The following EPHB2 variants were observed in gnomAD, a reference collection of about 807,000 sequenced individuals.
EPHB2 encodes ephrin type-B receptor 2.
Under a neutral mutation model 96.4 loss-of-function variants are expected in EPHB2, and 18 were observed. The ratio of observed to expected loss-of-function variants is 0.19; its 90% CI spans 0.13 to 0.28. The LOEUF (loss-of-function observed/expected upper bound fraction) is 0.28, where lower values mean the gene tolerates loss of function less well. EPHB2 is among the 10% of genes least tolerant of loss of function. The pLI, the probability that EPHB2 is intolerant of heterozygous loss-of-function variation, is 1.00. For missense variants in EPHB2, 989 were observed against 1,355.4 expected (o/e 0.73, Z 4.25); for synonymous variants, 506 against 534.1 (o/e 0.95, Z 0.72).
At chr1:22,905,454 T>C (rs1212764847) in intron 9 of EPHB2, among the ~76,000 whole-genome samples, 1 of 151,990 alleles carries the variant, frequency 6.6e-6, no homozygotes. Context: ...GCTGGGCAGC[T>C]AGAAAGGGAC....
chr1:22,723,250 C>T (rs760618533), intron 1 of EPHB2, among the ~76,000 whole-genome samples: 1 of 152,238 alleles, frequency 6.6e-6, no homozygotes, highest in Non-Finnish European at 1.5e-5. Flanking sequence ...CCGCCTCTCA[C>T]GGGGAGGCAG....
intron 3 of EPHB2, among the ~76,000 whole-genome samples, chr1:22,844,512 A>G (rs1645513785): frequency 6.6e-6 from 1 of 152,196 alleles, no homozygotes; most frequent in South Asian, 2.1e-4. Context: ...GTCCAGTTTG[A>G]CAGCAGGGTC....
rs534818693 is a variant in EPHB2 at position 22,919,295 on chromosome 1, G to A, written c.*5725G>A. 5.9e-5 allele frequency: 9 copies of A among 152,362 alleles called. No individual in the cohort carries two copies. Among genetic ancestry groups the A allele is most frequent in the Admixed American group, 4.6e-4 (7 of 15,304 alleles). The allele number at this position is 152,362 out of a possible 1,614,324, so 9.4% of individuals were successfully genotyped here. On this transcript the variant is annotated 3_prime_UTR_variant, in exon 16 of 16. Transcript: ENST00000374630. Reference sequence around the variant, plus strand: ...ACGCAGATTAGGACCCATGAAGTAGGGGGTAGAGCTGACCCTCAGGAATGT... The same window carrying A: ...ACGCAGATTAGGACCCATGAAGTAGAGGGTAGAGCTGACCCTCAGGAATGT...
intron 3 of EPHB2, among the ~76,000 whole-genome samples, chr1:22,806,508 T>TGGAC (rs1644928872): frequency 3.1e-4 from 1 of 3,254 alleles, no homozygotes; most frequent in African/African-American, 4.7e-4. Flanking sequence ...GACGGACGGA[T>TGGAC]GGATGGATGG....
intron 3 of EPHB2, among the ~76,000 whole-genome samples, chr1:22,823,512 G>A (rs1394511105): frequency 1.3e-5 from 2 of 152,218 alleles, no homozygotes; most frequent in African/African-American, 2.4e-5. Flanking sequence ...GTGGGCAGCA[G>A]TAATAACTTT....
At chr1:22,760,158 C>T (rs780561881) in intron 1 of EPHB2, among the ~76,000 whole-genome samples, 4 of 152,080 alleles carry the variant, frequency 2.6e-5, no homozygotes, top group Non-Finnish European at 4.4e-5. Flanking sequence ...CATAACCTGA[C>T]TCAGTCTTGC....
At chr1:22,764,084 A>C (rs1644272581) in intron 1 of EPHB2, among the ~76,000 whole-genome samples, 1 of 152,188 alleles carries the variant, frequency 6.6e-6, no homozygotes, top group South Asian at 2.1e-4. Context: ...GTTGCTACGT[A>C]AGGCAACATT....
chr1:22,874,801 G>A (rs1638784928), intron 5 of EPHB2, among the ~76,000 whole-genome samples: 1 of 152,204 alleles, frequency 6.6e-6, no homozygotes, highest in Non-Finnish European at 1.5e-5. Flanking sequence ...TAATAATAAT[G>A]TCTCCTGGAC....
In EPHB2 at chr1:22,866,792, G is replaced by C. The variant is rs548627629; in HGVS notation, c.1303+1580G>C. Among the ~76,000 whole-genome samples the C allele has an allele frequency of 2.0e-5, 3 of 152,220 alleles. No individual in the cohort carries two copies. The South Asian group carries it at 6.2e-4, about 32-fold the overall frequency. The stretch of plus-strand genomic sequence containing the variant: ...CTATTAAAAATACAAAAATTAGCCA[G>C]GTATGGTCGCGGGCACCTGTAATCC... On this transcript the variant is annotated intron_variant, in intron 5 of 15. Coordinates refer to ENST00000374630, the MANE Select transcript of EPHB2 (RefSeq NM_017449.5).
intron 1 of EPHB2, among the ~76,000 whole-genome samples, chr1:22,715,684 T>C (rs917564397): frequency 6.6e-6 from 1 of 152,222 alleles, no homozygotes; most frequent in African/African-American, 2.4e-5. Context: ...CATCCATATA[T>C]TTTTAAAGAG....
intron 3 of EPHB2, among the ~76,000 whole-genome samples, chr1:22,820,728 C>G (rs563697425): frequency 6.6e-6 from 1 of 152,270 alleles, no homozygotes; most frequent in Non-Finnish European, 1.5e-5. Context: ...TTATGAAACA[C>G]AGACTATGCC....
intron 3 of EPHB2, among the ~76,000 whole-genome samples, chr1:22,862,155 A>T (rs1359639724): frequency 6.6e-6 from 1 of 152,208 alleles, no homozygotes; most frequent in Non-Finnish European, 1.5e-5. Flanking sequence ...GTGTGCACAC[A>T]AGGCAGTTGC....
intron 1 of EPHB2, among the ~76,000 whole-genome samples, chr1:22,711,549 C>A (rs1469963887): frequency 6.6e-6 from 1 of 151,646 alleles, no homozygotes; most frequent in South Asian, 2.1e-4. Context: ...GGCCCGGCGC[C>A]CCGGAGAGCA....
intron 5 of EPHB2, among the ~76,000 whole-genome samples, chr1:22,866,438 T>G (rs962827783): frequency 6.6e-6 from 1 of 152,064 alleles, no homozygotes; most frequent in African/African-American, 2.4e-5. Context: ...CCAGTCGAAA[T>G]TTTTTCTTTA....
intron 1 of EPHB2, among the ~76,000 whole-genome samples, chr1:22,761,624 T>G (rs1557658903): frequency 6.6e-6 from 1 of 152,016 alleles, no homozygotes; most frequent in Non-Finnish European, 1.5e-5. Flanking sequence ...TAGCTGGGAG[T>G]GTTGAGTAAG....
At chr1:22,802,093 T>C (rs1644852062) in intron 3 of EPHB2, among the ~76,000 whole-genome samples, 1 of 151,852 alleles carries the variant, frequency 6.6e-6, no homozygotes, top group Non-Finnish European at 1.5e-5. Flanking sequence ...CTGGTGAATG[T>C]CACGTCCAGG....
At position 22,846,139 on chromosome 1, in the gene EPHB2, C is replaced by T. The variant is rs1645537365; in HGVS notation, c.812-16898C>T. Among the ~76,000 whole-genome samples the T allele has an allele frequency of 6.6e-6, 1 of 152,150 alleles. No homozygotes were observed. Among genetic ancestry groups the T allele is most frequent in the African/African-American group, 2.4e-5 (1 of 41,432 alleles). ...GATTCAAGAATGTCCCAGGGCGTGG[C>T]CAGGTGCGGTGGTTCACACCTGTAA... On this transcript the variant is annotated intron_variant, in intron 3 of 15. Coordinates refer to ENST00000374630, the MANE Select transcript of EPHB2 (RefSeq NM_017449.5). The surrounding 1 kb of genome is among the most constrained non-coding windows in gnomAD (Gnocchi z 4.3).
chr1:22,735,408 C>T (rs1406687768), intron 1 of EPHB2, among the ~76,000 whole-genome samples: 2 of 149,456 alleles, frequency 1.3e-5, no homozygotes, highest in Non-Finnish European at 3.0e-5. Flanking sequence ...CACTGCACTG[C>T]AGCCTAAACA....
chr1:22,913,232 T>G lies in EPHB2; in HGVS notation c.2853-230T>G. The G allele has an allele frequency of 1.7e-6, 1 of 597,188 alleles. No homozygotes were observed. The highest frequency in any genetic ancestry group is 3.0e-6 in the Non-Finnish European group (1 of 334,672). The allele number at this position is 597,188 out of a possible 1,614,324, so 37.0% of individuals were successfully genotyped here. A position where few individuals can be genotyped will look rare whatever the true frequency, so the allele number is the denominator to read the frequency against. On this transcript the variant is annotated intron_variant, in intron 15 of 15. Coordinates refer to ENST00000374630, the MANE Select transcript of EPHB2 (RefSeq NM_017449.5). This position sits in a 1 kb window ranked among gnomAD's most constrained non-coding sequence, Gnocchi z 4.1. ...ATGTAAGCTGGCTTCCCCCTCCCAA[T>G]AGCAGGGGAGAGAAGGCCCCCTAGG...
Sources: allele counts gnomAD v4.1 joint callset (sites outside exome capture counted in the v4.1 genomes callset), GRCh38; gene constraint gnomAD v4.1.1; non-coding constraint Gnocchi (gnomAD v3.1); transcripts MANE v1.5; gene names NCBI Gene and HGNC (gene_info 2026-07-23, HGNC 2026-07-21).